The following SPMAP2L variants were observed in gnomAD, a reference collection of about 807,000 sequenced individuals.
SPMAP2L encodes sperm microtubule associated protein 2 like.
chr4:56,595,224 A>C, the SPMAP2L span: 1 of 1,611,754 alleles, frequency 6.2e-7, no homozygotes, highest in South Asian at 1.1e-5. Flanking sequence ...GGGGTGCAAG[A>C]GGTTATGTGG....
At chr4:56,544,145 C>T in the SPMAP2L span, among the ~76,000 whole-genome samples, 2 of 151,900 alleles carry the variant, frequency 1.3e-5, no homozygotes, top group African/African-American at 2.4e-5. Flanking sequence ...TGAGCCACCA[C>T]GCCCGGCTAA....
chr4:56,547,627 C>T, the SPMAP2L span, among the ~76,000 whole-genome samples: 1 of 152,140 alleles, frequency 6.6e-6, no homozygotes, highest in Non-Finnish European at 1.5e-5. Flanking sequence ...TTAATTTACC[C>T]AAGATTGTAC....
chr4:56,586,974 A>G, the SPMAP2L span, among the ~76,000 whole-genome samples: 1 of 152,188 alleles, frequency 6.6e-6, no homozygotes, highest in Non-Finnish European at 1.5e-5. Flanking sequence ...TTTTATATGC[A>G]GAAAAGACTG....
chr4:56,556,017 G>C, the SPMAP2L span, among the ~76,000 whole-genome samples: 1 of 152,210 alleles, frequency 6.6e-6, no homozygotes, highest in South Asian at 2.1e-4. Context: ...GAAAACAATA[G>C]AAAAATTGGA....
At chr4:56,584,037 G>A in the SPMAP2L span, among the ~76,000 whole-genome samples, 39 of 151,898 alleles carry the variant, frequency 2.6e-4, no homozygotes, top group African/African-American at 8.5e-4. Context: ...TGCAATCTTG[G>A]CTCACTGCAG....
the SPMAP2L span, among the ~76,000 whole-genome samples, chr4:56,589,328 G>A: frequency 3.9e-5 from 6 of 152,268 alleles, no homozygotes; most frequent in African/African-American, 1.4e-4. Flanking sequence ...CTGTTTTGGT[G>A]ACTACGGCCT....
chr4:56,572,200 A>AAGTAC, the SPMAP2L span, among the ~76,000 whole-genome samples: 1 of 152,232 alleles, frequency 6.6e-6, no homozygotes, highest in Non-Finnish European at 1.5e-5. Context: ...AAGTTAAAAA[A>AAGTAC]AGTATTATGT....
the SPMAP2L span, among the ~76,000 whole-genome samples, chr4:56,559,921 A>G: frequency 6.6e-6 from 1 of 152,170 alleles, no homozygotes; most frequent in Admixed American, 6.5e-5. Context: ...AAAAGCCACA[A>G]ATTGTTCAAC....
the SPMAP2L span, chr4:56,557,583 G>C: frequency 6.6e-6 from 1 of 152,200 alleles, no homozygotes; most frequent in Non-Finnish European, 1.5e-5. Flanking sequence ...GAGCTGTTTT[G>C]TGTTTTCTAA....
chr4:56,531,019 G>A, the SPMAP2L span: 2 of 1,535,284 alleles, frequency 1.3e-6, no homozygotes, highest in Non-Finnish European at 1.7e-6. Context: ...ACTCCTCAAG[G>A]CCCGTGAACC....
At chr4:56,575,878 G>T in the SPMAP2L span, among the ~76,000 whole-genome samples, 1 of 152,154 alleles carries the variant, frequency 6.6e-6, no homozygotes, top group African/African-American at 2.4e-5. Context: ...CCTTACCATT[G>T]TTAGCCAGTT....
chr4:56,595,575 C>T, the SPMAP2L span: 2 of 1,375,866 alleles, frequency 1.5e-6, no homozygotes, highest in South Asian at 1.2e-5. Flanking sequence ...AGCATTCCCA[C>T]TCCCCTTCGT....
the SPMAP2L span, among the ~76,000 whole-genome samples, chr4:56,625,400 T>A: frequency 6.6e-6 from 1 of 152,098 alleles, no homozygotes; most frequent in Non-Finnish European, 1.5e-5. Flanking sequence ...TGGGAAGGCA[T>A]GATTGGTTTT....
At chr4:56,604,595 T>A in the SPMAP2L span, among the ~76,000 whole-genome samples, 1 of 151,648 alleles carries the variant, frequency 6.6e-6, no homozygotes, top group Non-Finnish European at 1.5e-5. Context: ...GAGGCAGAGG[T>A]TGCCATGAGC....
At chr4:56,609,059 T>A in the SPMAP2L span, among the ~76,000 whole-genome samples, 3 of 149,206 alleles carry the variant, frequency 2.0e-5, no homozygotes, top group African/African-American at 7.4e-5. Flanking sequence ...TCTTTTTTTT[T>A]TTTTTTTTGA....
At chr4:56,595,488 G>T in the SPMAP2L span, 16 of 1,576,086 alleles carry the variant, frequency 1.0e-5, no homozygotes, top group Admixed American at 1.2e-4. Flanking sequence ...GGGTCAATCC[G>T]CTGAAGATGT....
chr4:56,597,897 C>T, the SPMAP2L span, among the ~76,000 whole-genome samples: 1 of 151,846 alleles, frequency 6.6e-6, no homozygotes, highest in African/African-American at 2.4e-5. Context: ...GTGTCTTGCT[C>T]TGTCACCCAG....
chr4:56,536,136 AG>A, the SPMAP2L span, among the ~76,000 whole-genome samples: 1 of 152,212 alleles, frequency 6.6e-6, no homozygotes, highest in Admixed American at 6.5e-5. Flanking sequence ...GGCTCCTAAC[AG>A]GCCACAGACA....
At chr4:56,594,132 C>T in the SPMAP2L span, 3 of 1,608,484 alleles carry the variant, frequency 1.9e-6, no homozygotes, top group African/African-American at 2.7e-5. Context: ...GTTTGTGAGT[C>T]ATCTGCAGAA....
Sources: allele counts gnomAD v4.1 joint callset (sites outside exome capture counted in the v4.1 genomes callset), GRCh38; gene constraint gnomAD v4.1.1; transcripts MANE v1.5; gene names NCBI Gene and HGNC (gene_info 2026-07-23, HGNC 2026-07-21).